Variants in LPP observed in about 807,000 individuals in gnomAD.
The protein encoded by LPP is lipoma-preferred partner.
LPP carries 38 observed loss-of-function variants against 60.4 expected under a neutral mutation model. The observed-to-expected ratio is 0.63, with a 90% CI of 0.49 to 0.83. The LOEUF is 0.83. Among genes scored for constraint, LPP ranks in the 40% least tolerant of loss-of-function variants. LPP has a pLI of 0.00. For missense variants in LPP, 902 were observed against 783.6 expected, an observed-to-expected ratio of 1.15 and a Z score of -1.80; for synonymous variants, 328 against 290.8, an observed-to-expected ratio of 1.13 and a Z score of -1.30.
rs1277848531 is a variant in LPP, at chr3:188,386,264, G to GCACACACACA, written c.-9-19813_-9-19804dup. Among the ~76,000 whole-genome samples, 11 of 99,258 alleles carry GCACACACACA rather than the reference G, an allele frequency of 1.1e-4. No homozygotes were observed. The South Asian group carries it at 1.4e-3, about 13-fold the overall frequency. The allele number at this position is 99,258 out of a possible 152,430, so 65.1% of individuals were successfully genotyped here. On this transcript the variant is annotated intron_variant, in intron 3 of 11. Transcript: ENST00000617246. ...ATAGCACTTAAGTCATAGCATGCGC[G>GCACACACACA]CACACACACACACACACACACACAC...
chr3:188,765,214 C>CT (rs1396071268), intron 9 of LPP, among the ~76,000 whole-genome samples: 2 of 151,798 alleles, frequency 1.3e-5, no homozygotes, highest in Non-Finnish European at 2.9e-5. Context: ...AACTTTCTTC[C>CT]TTTTTTTCTA....
intron 1 of LPP, among the ~76,000 whole-genome samples, chr3:188,192,262 A>G (rs1158164765): frequency 6.6e-6 from 1 of 152,182 alleles, no homozygotes; most frequent in Non-Finnish European, 1.5e-5. Flanking sequence ...GGAGTTTGGT[A>G]AAGAACTTTC....
At chr3:188,508,663 C>T (rs542595427) in intron 5 of LPP, among the ~76,000 whole-genome samples, 2 of 152,282 alleles carry the variant, frequency 1.3e-5, no homozygotes, top group African/African-American at 4.8e-5. Flanking sequence ...TTTGCCATTT[C>T]GACAGATGAG....
chr3:188,379,559 G>A (rs1040276237), intron 3 of LPP, among the ~76,000 whole-genome samples: 23 of 152,172 alleles, frequency 1.5e-4, no homozygotes, highest in South Asian at 6.2e-4. Flanking sequence ...CATAGTGGTC[G>A]TTTCTTATTT....
intron 2 of LPP, among the ~76,000 whole-genome samples, chr3:188,317,499 C>G (rs547896705): frequency 2.6e-5 from 4 of 152,248 alleles, no homozygotes; most frequent in African/African-American, 9.6e-5. Flanking sequence ...AATGGGCATT[C>G]AAATCTTTTG....
chr3:188,464,223 T>C (rs899657725), intron 4 of LPP, among the ~76,000 whole-genome samples: 7 of 152,200 alleles, frequency 4.6e-5, no homozygotes, highest in South Asian at 4.1e-4. Flanking sequence ...AAAATATTTT[T>C]TGGATGGCTT....
intron 3 of LPP, among the ~76,000 whole-genome samples, chr3:188,345,887 C>T (rs980106370): frequency 2.0e-5 from 3 of 152,170 alleles, no homozygotes; most frequent in African/African-American, 2.4e-5. Context: ...TTGACTGAGT[C>T]TGAGGTTCAA....
rs11448997 is a variant in LPP, at chr3:188,878,759, T to TAAAAAAAAAAAAAAAAAAAAA, written c.*4296_*4297insAAAAAAAAAAAAAAAAAAAAA. 3.9e-5 allele frequency: 6 copies of TAAAAAAAAAAAAAAAAAAAAA among 153,940 alleles called. No homozygotes were observed. Among genetic ancestry groups the TAAAAAAAAAAAAAAAAAAAAA allele is most frequent in the Non-Finnish European group, 6.5e-5 (5 of 76,412 alleles). 9.5% of individuals were successfully genotyped at this position (153,940 alleles called of 1,614,324 possible). A position where few individuals can be genotyped will look rare whatever the true frequency, so the allele number is the denominator to read the frequency against. ...ATATACTCACCAAAAAGTAAAAAAG[T>TAAAAAAAAAAAAAAAAAAAAA]AAAAAAAAAAAAAAAAGAAAGAAAG... On this transcript the variant is annotated 3_prime_UTR_variant, in exon 12 of 12. Coordinates refer to ENST00000617246, the MANE Select transcript of LPP (RefSeq NM_001375462.1).
intron 8 of LPP, among the ~76,000 whole-genome samples, chr3:188,750,357 G>A (rs1161098833): frequency 3.3e-5 from 5 of 152,212 alleles, no homozygotes; most frequent in Non-Finnish European, 2.9e-5. Flanking sequence ...CAAGCCAGGT[G>A]TGGTGGTTCA....
intron 9 of LPP, among the ~76,000 whole-genome samples, chr3:188,830,994 G>A (rs1033026712): frequency 2.0e-5 from 3 of 152,150 alleles, no homozygotes; most frequent in African/African-American, 4.8e-5. Flanking sequence ...TACAACAGGT[G>A]CTCAATAGAC....
Position 188,876,566 on chromosome 3 carries a change from G to A in LPP, c.*2087G>A, listed in dbSNP as rs1259046668. On this transcript the variant is annotated 3_prime_UTR_variant, in exon 12 of 12. Transcript: ENST00000617246. ...CAAATTGAAGCCAGACCATGCTGAT[G>A]ACCTCAAGTAGCACTGACTATTTGA... 1 of 205,524 alleles carries A rather than the reference G, an allele frequency of 4.9e-6. No individual in the cohort carries two copies. Among genetic ancestry groups the A allele is most frequent in the African/African-American group, 2.3e-5 (1 of 43,756 alleles). The allele number at this position is 205,524 out of a possible 1,614,324, so 12.7% of individuals were successfully genotyped here. A position where few individuals can be genotyped will look rare whatever the true frequency, so the allele number is the denominator to read the frequency against.
intron 6 of LPP, among the ~76,000 whole-genome samples, chr3:188,569,873 A>G (rs1231980180): frequency 6.6e-6 from 1 of 152,044 alleles, no homozygotes; most frequent in Non-Finnish European, 1.5e-5. Context: ...TAATTTATTT[A>G]CAGAGTCATG....
At chr3:188,800,635 C>T (rs1052438835) in intron 9 of LPP, among the ~76,000 whole-genome samples, 1 of 152,092 alleles carries the variant, frequency 6.6e-6, no homozygotes, top group African/African-American at 2.4e-5. Flanking sequence ...AAATAGCTCT[C>T]CAAAAGTGAA....
At chr3:188,774,491 T>C (rs1737097112) in intron 9 of LPP, among the ~76,000 whole-genome samples, 1 of 152,090 alleles carries the variant, frequency 6.6e-6, no homozygotes, top group African/African-American at 2.4e-5. Context: ...CAAATCTTAC[T>C]CCACATTTCT....
At chr3:188,620,133 A>T (rs1286840913) in intron 7 of LPP, among the ~76,000 whole-genome samples, 2 of 152,212 alleles carry the variant, frequency 1.3e-5, no homozygotes, top group African/African-American at 4.8e-5. Flanking sequence ...TTTTAAGATA[A>T]TTTGCATACA....
chr3:188,250,750 CTTTCTTTCTT>C, intron 2 of LPP, among the ~76,000 whole-genome samples: 1 of 113,566 alleles, frequency 8.8e-6, no homozygotes, highest in Non-Finnish European at 1.8e-5. Flanking sequence ...TTCTTTCTTT[CTTTCTTTCTT>C]TCTTTCTTTC....
At chr3:188,242,425 C>CCA (rs60611758) in intron 2 of LPP, among the ~76,000 whole-genome samples, 2,558 of 151,530 alleles carry the variant, frequency 0.017, 64 homozygotes, top group African/African-American at 0.056. Flanking sequence ...GAAAAAAAAA[C>CCA]CACACACATT....
chr3:188,161,065 G>A (rs926595841), intron 1 of LPP, among the ~76,000 whole-genome samples: 15 of 152,222 alleles, frequency 9.9e-5, no homozygotes, highest in African/African-American at 3.1e-4. Flanking sequence ...ATAAATGTGT[G>A]TTTGGAGATC....
At position 188,577,751 on chromosome 3, in the gene LPP, T is replaced by C. The variant is rs557251018; in HGVS notation, c.430-31410T>C. Among the ~76,000 whole-genome samples, 19 of 43,574 alleles carry C rather than the reference T, an allele frequency of 4.4e-4. No individual in the cohort carries two copies. The East Asian group carries it at 0.019, about 44-fold the overall frequency. The allele number at this position is 43,574 out of a possible 152,430, so 28.6% of individuals were successfully genotyped here. ...TGGTTTCCTTCCTTCCTTTGTTCCT[T>C]CGTTCCTTCGTTCCTTCCTTCCTTC... is the stretch of plus-strand genomic sequence containing the variant. On this transcript the variant is annotated intron_variant, in intron 6 of 11. Coordinates refer to ENST00000617246, the MANE Select transcript of LPP (RefSeq NM_001375462.1).
Sources: gnomAD v4.1 joint callset for allele counts (sites outside exome capture counted in the v4.1 genomes callset) on GRCh38, gnomAD v4.1.1 for gene constraint, MANE v1.5 for transcripts, NCBI Gene and HGNC (gene_info 2026-07-23, HGNC 2026-07-21) for gene names.